TFAP2A: variants seen among roughly 807,000 people sequenced by gnomAD.
TFAP2A encodes transcription factor AP-2 alpha.
A neutral mutation model predicts 41.5 loss-of-function variants in TFAP2A; 7 were observed. The observed-to-expected ratio is 0.17, with a 90% CI of 0.10 to 0.32. TFAP2A has a LOEUF of 0.32. TFAP2A is among the 10% of genes least tolerant of loss of function. The probability of loss-of-function intolerance (pLI) is 1.00; values close to 1 mark genes in which losing one functional copy is unlikely to be tolerated. For missense variants in TFAP2A, 416 were observed against 563.3 expected, an observed-to-expected ratio of 0.74 and a Z score of 2.65; for synonymous variants, 247 against 242.8, an observed-to-expected ratio of 1.02 and a Z score of -0.16.
chr6:10,403,780 AG>A (rs975388332), intron 4 of TFAP2A, among the ~76,000 whole-genome samples: 4 of 152,134 alleles, frequency 2.6e-5, no homozygotes, highest in African/African-American at 9.7e-5. Context: ...CAAACCTCGC[AG>A]GGGTGAGGTA....
At chr6:10,412,404 G>A (rs894384127) in intron 1 of TFAP2A, 1 of 465,816 alleles carries the variant, frequency 2.1e-6, no homozygotes, top group Non-Finnish European at 2.8e-6. Flanking sequence ...GCGAGGGAGA[G>A]GAGCCCCGGG....
At position 10,397,448 on chromosome 6, in the gene TFAP2A, A is replaced by C. The variant is rs1422692618; in HGVS notation, c.*969T>G. 4 of 152,158 alleles carry C rather than the reference A, an allele frequency of 2.6e-5. No homozygotes were observed. Among genetic ancestry groups the C allele is most frequent in the African/African-American group, 9.7e-5 (4 of 41,434 alleles). 9.4% of individuals were successfully genotyped at this position (152,158 alleles called of 1,614,324 possible). On this transcript the variant is annotated 3_prime_UTR_variant, in exon 7 of 7. Transcript: ENST00000379613. ...GTTCAATGAAAAGCTAAATGTAATAATACTAATTATAGATAAAATTTTATT... is the reference window on the plus strand; with the variant it reads ...GTTCAATGAAAAGCTAAATGTAATACTACTAATTATAGATAAAATTTTATT...
upstream of TFAP2A, chr6:10,419,473 C>T: frequency 6.2e-7 from 1 of 1,614,180 alleles, no homozygotes; most frequent in Non-Finnish European, 8.5e-7. Flanking sequence ...CTCCTGGCGA[C>T]TGGTCCCCGC....
Position 10,398,506 on chromosome 6 carries a change from T to C in TFAP2A, c.1231A>G (p.Met411Val). ...TTGTTGCTGAGGTACATTTTGTCCA[T>C]GGCCTTGAGGGCCTCGGTGAGATAG... ...QNYLTEALKAMDKMYLSNNPN... is the reference protein window; with the variant it reads ...QNYLTEALKAVDKMYLSNNPN... The change falls in exon 7 of 7, where the codon ATG becomes GTG. Residue 411 changes from methionine (M) to valine (V), a missense_variant. Transcript: ENST00000379613. The surrounding 1 kb of genome is among the most constrained non-coding windows in gnomAD (Gnocchi z 5.3). The C allele has an allele frequency of 4.3e-6, 7 of 1,614,202 alleles. No homozygotes were observed. Among genetic ancestry groups the C allele is most frequent in the African/African-American group, 1.3e-5 (1 of 75,046 alleles).
intron 4 of TFAP2A, among the ~76,000 whole-genome samples, chr6:10,403,617 C>T (rs1220606985): frequency 6.6e-6 from 1 of 152,014 alleles, no homozygotes; most frequent in African/African-American, 2.4e-5. Flanking sequence ...AGAGAAGAAA[C>T]ATTATCCGGG....
chr6:10,404,857 C>G (rs1757633100), intron 3 of TFAP2A, 118 bp from the exon 4 acceptor site: 1 of 862,484 alleles, frequency 1.2e-6, no homozygotes, highest in South Asian at 1.6e-5. Flanking sequence ...ACAGTCCCCG[C>G]TTTTCCGTCC....
At chr6:10,418,933 G>T (rs539801188), upstream of TFAP2A, among the ~76,000 whole-genome samples, 6 of 152,170 alleles carry the variant, frequency 3.9e-5, no homozygotes, top group South Asian at 1.2e-3. Context: ...AAATCTGGGG[G>T]TACCAAGAGA....
intron 1 of TFAP2A, chr6:10,412,475 GAGGGAGGA>G (rs1375099139): frequency 2.8e-5 from 4 of 141,748 alleles, no homozygotes; most frequent in Middle Eastern, 3.5e-3. Context: ...GGGAAAGAGG[GAGGGAGGA>G]AGGGAGGGAG....
At chr6:10,405,951 A>G (rs1757695371) in intron 3 of TFAP2A, 1 of 152,224 alleles carries the variant, frequency 6.6e-6, no homozygotes, top group Admixed American at 6.5e-5. Context: ...TCCCTTGCAC[A>G]TCTAATTTGA....
At chr6:10,404,893 A>T in intron 3 of TFAP2A, 154 bp from the exon 4 acceptor site, 1 of 701,126 alleles carries the variant, frequency 1.4e-6, no homozygotes, top group Non-Finnish European at 2.4e-6. Flanking sequence ...TGGCTCTGCT[A>T]CTTCCCTTCC....
chr6:10,410,945 T>G (rs1581270653), intron 1 of TFAP2A: 1 of 158,352 alleles, frequency 6.3e-6, no homozygotes, highest in Non-Finnish European at 1.4e-5. Context: ...CAGAGTCGAT[T>G]TATGGTTTGG....
rs1308939096 is a variant in TFAP2A at position 10,398,284 on chromosome 6, G to A, written c.*133C>T. On this transcript the variant is annotated 3_prime_UTR_variant, in exon 7 of 7. Transcript: ENST00000379613. This position sits in a 1 kb window ranked among gnomAD's most constrained non-coding sequence, Gnocchi z 5.3. ...CTCGGGGGGACCCAAGGGCAGCGGC[G>A]GCGGCGGCGGCGGCAGCAGCAGCAG... The A allele has an allele frequency of 6.3e-7, 1 of 1,576,946 alleles. No homozygotes were observed. Among genetic ancestry groups the A allele is most frequent in the African/African-American group, 1.3e-5 (1 of 74,402 alleles).
chr6:10,411,686 A>C, intron 1 of TFAP2A: 5 of 1,600,626 alleles, frequency 3.1e-6, no homozygotes, highest in Non-Finnish European at 4.3e-6. Flanking sequence ...CGCGCCCCAC[A>C]CAAAAGGCGC....
intron 5 of TFAP2A, 198 bp downstream of exon 5, chr6:10,402,294 A>C (rs1326032493): frequency 1.5e-6 from 1 of 663,782 alleles, no homozygotes; most frequent in East Asian, 3.1e-5. Flanking sequence ...AGAGGAAAAG[A>C]AGGAAGAAGG....
intron 1 of TFAP2A, among the ~76,000 whole-genome samples, chr6:10,410,544 C>T (rs1389188209): frequency 6.6e-6 from 1 of 152,004 alleles, no homozygotes; most frequent in Non-Finnish European, 1.5e-5. Flanking sequence ...ATGGAGGGGG[C>T]ACAAGAGACT....
In TFAP2A at chr6:10,410,358, G is replaced by A. The variant is rs199700013; in HGVS notation, c.52-23C>T. 6.9e-6 allele frequency: 11 copies of A among 1,595,438 alleles called. 1 individual carries two copies. In the Admixed American group the frequency reaches 1.4e-4, roughly 20 times the overall value. ...GTCCTAGAAGAGAGCGAGAGGAAAG[G>A]TAAAGAACAAGGAATCAGGCGTCGA... On this transcript the variant is annotated intron_variant, in intron 1 of 6. Coordinates refer to ENST00000379613, the MANE Select transcript of TFAP2A (RefSeq NM_001372066.1).
chr6:10,409,753 C>A (rs1324821775), intron 2 of TFAP2A, 148 bp downstream of exon 2: 1 of 976,652 alleles, frequency 1.0e-6, no homozygotes, highest in African/African-American at 1.6e-5. Flanking sequence ...CTCAAAACGT[C>A]CCTCACTCTC....
At chr6:10,413,812 T>C (rs961045860) in intron 1 of TFAP2A, among the ~76,000 whole-genome samples, 4 of 151,536 alleles carry the variant, frequency 2.6e-5, no homozygotes, top group Non-Finnish European at 5.9e-5. Flanking sequence ...TCTCCGCCCC[T>C]GCGCCTGCAC....
At chr6:10,419,593 G>A (rs1758359817), upstream of TFAP2A, 2 of 1,062,070 alleles carry the variant, frequency 1.9e-6, no homozygotes, top group Admixed American at 1.9e-5. Context: ...GAGCTGGGTT[G>A]CTACCTGCCG....
Sources: gnomAD v4.1 joint callset for allele counts (sites outside exome capture counted in the v4.1 genomes callset) on GRCh38, gnomAD v4.1.1 for gene constraint, Gnocchi (gnomAD v3.1) non-coding constraint, MANE v1.5 for transcripts, NCBI Gene and HGNC (gene_info 2026-07-23, HGNC 2026-07-21) for gene names.